Variants in LIN28B observed in about 807,000 individuals in gnomAD.
The protein encoded by LIN28B is protein lin-28 homolog B.
In LIN28B, 5 loss-of-function variants were observed where a neutral mutation model predicts 21.9. The observed-to-expected ratio is 0.23, with a 90% CI of 0.12 to 0.48. LIN28B has a LOEUF of 0.48. Among genes scored for constraint, LIN28B ranks in the 20% least tolerant of loss-of-function variants. LIN28B has a pLI of 0.98. For missense variants in LIN28B, 245 were observed against 310.5 expected (o/e 0.79, Z 1.58); for synonymous variants, 109 against 111.3 (o/e 0.98, Z 0.13).
intron 2 of LIN28B, among the ~76,000 whole-genome samples, chr6:104,975,498 T>TGA (rs2114596918): frequency 6.6e-6 from 1 of 152,326 alleles, no homozygotes; most frequent in East Asian, 1.9e-4. Flanking sequence ...CTGGTTTAAC[T>TGA]TCTCTCTACC....
intron 2 of LIN28B, among the ~76,000 whole-genome samples, chr6:104,971,668 T>C (rs1769987344): frequency 6.6e-6 from 1 of 152,222 alleles, no homozygotes; most frequent in South Asian, 2.1e-4. Context: ...CATGCTTTCA[T>C]TGACATTAAA....
chr6:104,960,309 A>G (rs1769704735), intron 2 of LIN28B, among the ~76,000 whole-genome samples: 1 of 152,156 alleles, frequency 6.6e-6, no homozygotes, highest in African/African-American at 2.4e-5. Context: ...TACAAGTAAC[A>G]GATGGTTGTA....
At chr6:104,950,704 C>T (rs929374480) in intron 3 of LIN28B, among the ~76,000 whole-genome samples, 7 of 151,996 alleles carry the variant, frequency 4.6e-5, no homozygotes, top group African/African-American at 9.7e-5. Flanking sequence ...ATAAGAATTA[C>T]GTGGACAACC....
chr6:104,961,142 C>T (rs2114572039), intron 2 of LIN28B, among the ~76,000 whole-genome samples: 1 of 151,554 alleles, frequency 6.6e-6, no homozygotes, highest in East Asian at 1.9e-4. Flanking sequence ...ATATTCTGAC[C>T]CATGTTAATT....
At chr6:104,984,863 A>C (rs1049823868) in intron 2 of LIN28B, among the ~76,000 whole-genome samples, 34 of 152,210 alleles carry the variant, frequency 2.2e-4, no homozygotes, top group African/African-American at 8.0e-4. Context: ...TACTGTAGGA[A>C]TATTTCCTAA....
intron 3 of LIN28B, among the ~76,000 whole-genome samples, chr6:105,074,443 C>T (rs913883934): frequency 2.0e-5 from 3 of 152,128 alleles, no homozygotes; most frequent in Admixed American, 6.5e-5. Context: ...CGTGATCTGC[C>T]CACCTCGGCC....
At chr6:105,031,934 C>T (rs917781600) in intron 3 of LIN28B, among the ~76,000 whole-genome samples, 3 of 152,218 alleles carry the variant, frequency 2.0e-5, no homozygotes, top group African/African-American at 7.2e-5. Flanking sequence ...ATAATGGTTA[C>T]CCCTTCCCCA....
intron 3 of LIN28B, among the ~76,000 whole-genome samples, chr6:105,050,927 A>G (rs941814226): frequency 1.3e-5 from 2 of 151,440 alleles, no homozygotes; most frequent in Middle Eastern, 3.4e-3. Context: ...TTTAAAACAT[A>G]TATAGGGCTA....
chr6:104,950,359 C>T (rs1778207037), intron 2 of LIN28B: 1 of 603,918 alleles, frequency 1.7e-6, no homozygotes, highest in South Asian at 8.5e-5. Flanking sequence ...TTCACAGAGT[C>T]AAAACCTGGG....
chr6:105,015,430 G>A (rs1164176970), intron 2 of LIN28B, among the ~76,000 whole-genome samples: 3 of 151,816 alleles, frequency 2.0e-5, no homozygotes, highest in East Asian at 3.9e-4. Flanking sequence ...TGGCTCTTTT[G>A]TAGATGTAGA....
chr6:104,984,999 T>C (rs1169347143), intron 2 of LIN28B, among the ~76,000 whole-genome samples: 1 of 152,228 alleles, frequency 6.6e-6, no homozygotes, highest in Non-Finnish European at 1.5e-5. Flanking sequence ...AATAAAGCCC[T>C]GATTTGTAGC....
At chr6:104,993,601 C>T (rs960847324) in intron 2 of LIN28B, among the ~76,000 whole-genome samples, 3 of 151,966 alleles carry the variant, frequency 2.0e-5, no homozygotes, top group Non-Finnish European at 2.9e-5. Context: ...TTTGGGAGGC[C>T]GAGGTGGGTG....
intron 3 of LIN28B, chr6:105,045,547 A>T (rs9404593): frequency 0.13 from 20,291 of 152,004 alleles, 1,879 homozygotes; most frequent in East Asian, 0.38. Context: ...CAGTCTCCCA[A>T]ACTGCTGGGA....
intron 3 of LIN28B, among the ~76,000 whole-genome samples, chr6:105,055,341 A>G (rs957645274): frequency 6.6e-6 from 1 of 152,200 alleles, no homozygotes; most frequent in Non-Finnish European, 1.5e-5. Context: ...TATGAATAAC[A>G]GTATCTTAAA....
chr6:104,946,210 A>T lies in LIN28B; in HGVS notation c.19-4251A>T, dbSNP rs568382175. Among the ~76,000 whole-genome samples, 161 of 152,184 alleles carry T rather than the reference A, an allele frequency of 1.1e-3. 1 individual carries two copies. Among genetic ancestry groups the T allele is most frequent in the African/African-American group, 3.6e-3 (149 of 41,566 alleles). On this transcript the variant is annotated intron_variant, in intron 2 of 5. Coordinates refer to the LIN28B transcript ENST00000635857. The stretch of plus-strand genomic sequence containing the variant: ...AATGTGAAGCTTGTTTTCAAACTCC[A>T]ATAGCCTAATATTTTTAAACTGTAG...
intron 2 of LIN28B, among the ~76,000 whole-genome samples, chr6:104,975,450 T>A (rs975376624): frequency 6.6e-6 from 1 of 152,160 alleles, no homozygotes. Flanking sequence ...TAGACCCCAG[T>A]TTGCCACCAT....
chr6:105,049,622 A>G (rs1771850103), intron 3 of LIN28B, among the ~76,000 whole-genome samples: 1 of 151,886 alleles, frequency 6.6e-6, no homozygotes, highest in Admixed American at 6.6e-5. Flanking sequence ...TCCCATTATT[A>G]TTGTGTGGGA....
chr6:105,063,417 C>G (rs1265202728), intron 3 of LIN28B, among the ~76,000 whole-genome samples: 4 of 152,152 alleles, frequency 2.6e-5, no homozygotes, highest in African/African-American at 9.7e-5. Context: ...GGGCGGATCA[C>G]TTGAGGTCAG....
intron 3 of LIN28B, among the ~76,000 whole-genome samples, chr6:105,039,892 T>A (rs951746854): frequency 2.0e-5 from 3 of 152,188 alleles, no homozygotes; most frequent in Non-Finnish European, 2.9e-5. Flanking sequence ...CCTATTCTTT[T>A]CTTAGGAATA....
Sources: gnomAD v4.1 joint callset for allele counts (sites outside exome capture counted in the v4.1 genomes callset) on GRCh38, gnomAD v4.1.1 for gene constraint, MANE v1.5 for transcripts, NCBI Gene and HGNC (gene_info 2026-07-23, HGNC 2026-07-21) for gene names.